TANC1: variants seen among roughly 807,000 people sequenced by gnomAD.
The protein encoded by TANC1 is tetratricopeptide repeat, ankyrin repeat and coiled-coil containing 1, also known as protein TANC1.
A neutral mutation model predicts 149.7 loss-of-function variants in TANC1; 77 were observed. The ratio of observed to expected loss-of-function variants is 0.51; its 90% CI spans 0.43 to 0.62. The LOEUF is 0.62. TANC1 is among the 20% of genes least tolerant of loss of function. TANC1 has a pLI of 0.00. For synonymous variants in TANC1, 854 were observed against 925.0 expected (o/e 0.92, Z 1.39); for missense variants, 1,985 against 2,321.8 (o/e 0.85, Z 2.98).
chr2:159,173,613 A>AAAAT (rs541374271), intron 11 of TANC1, among the ~76,000 whole-genome samples: 222 of 152,340 alleles, frequency 1.5e-3, no homozygotes, highest in African/African-American at 5.2e-3. Context: ...TCAAAAAAAT[A>AAAAT]AAATAAATAA....
chr2:159,217,621 G>C lies in TANC1; in HGVS notation c.3369G>C (p.Gly1123=). Residue 1123 remains glycine (G), a synonymous_variant, in exon 20 of 27, where the codon GGG becomes GGC. Coordinates refer to ENST00000263635, the MANE Select transcript of TANC1 (RefSeq NM_033394.3). ...VPPLFCAARQ[G]HWQIVRLLLE... ...CTTTGTTTTGTGCAGCACGCCAGGG[G>C]CATTGGCAGGTACCCAGGGGGCCCC... is the stretch of plus-strand genomic sequence containing the variant. 6.2e-7 allele frequency: 1 copy of C among 1,614,076 alleles called. No homozygotes were observed.
chr2:159,142,953 C>T (rs2051545217), intron 5 of TANC1, among the ~76,000 whole-genome samples: 1 of 151,652 alleles, frequency 6.6e-6, no homozygotes, highest in Admixed American at 6.6e-5. Context: ...ATCCCAGCTA[C>T]TCGGGAGGCT....
At chr2:159,076,581 T>C (rs1364466035) in intron 3 of TANC1, among the ~76,000 whole-genome samples, 1 of 152,208 alleles carries the variant, frequency 6.6e-6, no homozygotes, top group African/African-American at 2.4e-5. Context: ...CCTTAATAAA[T>C]TGCTATAATC....
At chr2:159,133,958 A>C (rs1057303066) in intron 4 of TANC1, among the ~76,000 whole-genome samples, 2 of 152,210 alleles carry the variant, frequency 1.3e-5, no homozygotes, top group Admixed American at 6.5e-5. Flanking sequence ...ATAGTAGTAT[A>C]AATGCTTTTG....
chr2:158,982,744 A>C (rs1053013232), intron 1 of TANC1, among the ~76,000 whole-genome samples: 20 of 152,198 alleles, frequency 1.3e-4, no homozygotes, highest in African/African-American at 4.3e-4. Context: ...AAGAGCTGGG[A>C]CCACAGGTGT....
At chr2:159,086,164 G>A (rs1352802107) in intron 3 of TANC1, among the ~76,000 whole-genome samples, 2 of 151,502 alleles carry the variant, frequency 1.3e-5, no homozygotes, top group Non-Finnish European at 2.9e-5. Context: ...AGAAAGTGCT[G>A]TGAAAAAAAT....
At chr2:159,145,667 AG>A (rs1312487737) in intron 5 of TANC1, among the ~76,000 whole-genome samples, 1 of 152,192 alleles carries the variant, frequency 6.6e-6, no homozygotes, top group East Asian at 1.9e-4. Flanking sequence ...GTGGTCCACA[AG>A]GGGGTGAGAA....
chr2:159,196,856 C>T, intron 18 of TANC1, 63 bp downstream of exon 18: 1 of 1,468,980 alleles, frequency 6.8e-7, no homozygotes, highest in Non-Finnish European at 9.2e-7. Context: ...AGTCAGTTGA[C>T]ACACTGAAGG....
chr2:159,091,122 A>G (rs1365086748), intron 3 of TANC1, among the ~76,000 whole-genome samples: 1 of 152,092 alleles, frequency 6.6e-6, no homozygotes, highest in African/African-American at 2.4e-5. Context: ...AGTATGCAAA[A>G]TGACATAATG....
At chr2:159,100,300 A>G (rs2046553753) in intron 4 of TANC1, among the ~76,000 whole-genome samples, 1 of 152,154 alleles carries the variant, frequency 6.6e-6, no homozygotes, top group Non-Finnish European at 1.5e-5. Flanking sequence ...GGTGGGATTG[A>G]ATGGCATGGC....
intron 1 of TANC1, among the ~76,000 whole-genome samples, chr2:158,989,259 AG>A (rs2035355355): frequency 6.6e-6 from 1 of 152,062 alleles, no homozygotes; most frequent in South Asian, 2.1e-4. Context: ...CTATAATTTC[AG>A]TACTTTGGGA....
chr2:159,147,942 T>C (rs1208996409), intron 5 of TANC1: 1 of 152,206 alleles, frequency 6.6e-6, no homozygotes, highest in African/African-American at 2.4e-5. Flanking sequence ...TTGCAAAAGC[T>C]CTGCTTATTT....
At chr2:159,213,504 C>T (rs181540445) in intron 19 of TANC1, among the ~76,000 whole-genome samples, 3 of 151,506 alleles carry the variant, frequency 2.0e-5, no homozygotes, top group Admixed American at 6.6e-5. Context: ...TTTTACATAC[C>T]GACACGCTGA....
chr2:159,062,246 C>G lies in TANC1; in HGVS notation c.-15-3650C>G, dbSNP rs186687821. Among the ~76,000 whole-genome samples, 26 of 152,158 alleles carry G rather than the reference C, an allele frequency of 1.7e-4. 3 individuals carry two copies. The highest frequency in any genetic ancestry group is 6.3e-4 in the African/African-American group (26 of 41,522). On this transcript the variant is annotated intron_variant, in intron 2 of 26. Coordinates refer to ENST00000263635, the MANE Select transcript of TANC1 (RefSeq NM_033394.3). ...AAGTGAGACTCCTTCTCAAAACAAACAAACAAAAAACAAAACAAAAACCAC... is the reference window on the plus strand; with the variant it reads ...AAGTGAGACTCCTTCTCAAAACAAAGAAACAAAAAACAAAACAAAAACCAC...
chr2:159,070,502 C>T (rs1235947313), intron 3 of TANC1, among the ~76,000 whole-genome samples: 2 of 152,156 alleles, frequency 1.3e-5, no homozygotes, highest in Admixed American at 1.3e-4. Flanking sequence ...AATGACATAT[C>T]TACCATTGTT....
chr2:158,994,328 C>T (rs1470212719), intron 1 of TANC1, among the ~76,000 whole-genome samples: 1 of 152,242 alleles, frequency 6.6e-6, no homozygotes, highest in Admixed American at 6.5e-5. Flanking sequence ...GGCTGTAGTG[C>T]AGTGGTGCAT....
At chr2:159,064,087 A>AGTTG (rs2042467922) in intron 2 of TANC1, among the ~76,000 whole-genome samples, 1 of 152,130 alleles carries the variant, frequency 6.6e-6, no homozygotes, top group Non-Finnish European at 1.5e-5. Flanking sequence ...TAAACCCCAA[A>AGTTG]GTTGGTTGGT....
At chr2:159,113,536 G>C (rs1033012119) in intron 4 of TANC1, among the ~76,000 whole-genome samples, 2 of 152,226 alleles carry the variant, frequency 1.3e-5, no homozygotes, top group African/African-American at 4.8e-5. Flanking sequence ...TTGGAAGAAT[G>C]CTGCCCTTGC....
intron 19 of TANC1, among the ~76,000 whole-genome samples, chr2:159,201,648 G>C (rs1223497740): frequency 6.6e-6 from 1 of 152,200 alleles, no homozygotes; most frequent in African/African-American, 2.4e-5. Context: ...GACTGTATCT[G>C]TCCCTAGCCA....
Sources: allele counts gnomAD v4.1 joint callset (sites outside exome capture counted in the v4.1 genomes callset), GRCh38; gene constraint gnomAD v4.1.1; transcripts MANE v1.5; gene names NCBI Gene and HGNC (gene_info 2026-07-23, HGNC 2026-07-21).